Variants in HNRNPL observed in about 807,000 individuals in gnomAD.
The protein encoded by HNRNPL is epididymis secretory sperm binding protein.
In HNRNPL, 12 loss-of-function variants were observed where a neutral mutation model predicts 64.0. That is an observed-to-expected ratio of 0.19 (90% CI 0.12 to 0.30). The LOEUF is 0.30. Ranked by LOEUF, HNRNPL falls within the 10% of genes least tolerant of loss-of-function variation. The pLI is 1.00. For missense variants in HNRNPL, 484 were observed against 797.4 expected, an observed-to-expected ratio of 0.61 and a Z score of 4.73; for synonymous variants, 385 against 313.0, an observed-to-expected ratio of 1.23 and a Z score of -2.43.
chr19:38,840,711 C>T (rs1484399404), intron 6 of HNRNPL, 152 bp from the exon 7 acceptor site: 1 of 666,542 alleles, frequency 1.5e-6, no homozygotes, highest in African/African-American at 1.9e-5. Context: ...GTGATCTGAC[C>T]TACGGCGGGC....
At chr19:38,838,728 A>T in intron 9 of HNRNPL, 130 bp from the exon 10 acceptor site, 13 of 1,297,282 alleles carry the variant, frequency 1.0e-5, no homozygotes, top group Non-Finnish European at 1.4e-5. Flanking sequence ...GGCAAGGCTG[A>T]CTCACTTTCT....
chr19:38,846,725 A>T (rs532972897), intron 2 of HNRNPL, among the ~76,000 whole-genome samples: 2 of 152,198 alleles, frequency 1.3e-5, no homozygotes, highest in South Asian at 4.1e-4. Flanking sequence ...TGGCTAACAC[A>T]GCGAAACCCC....
intron 1 of HNRNPL, among the ~76,000 whole-genome samples, chr19:38,848,472 C>T (rs1180561354): frequency 2.0e-5 from 3 of 152,242 alleles, no homozygotes; most frequent in Non-Finnish European, 4.4e-5. Flanking sequence ...AAGTATCTTA[C>T]ACCCACCGAC....
At position 38,845,689 on chromosome 19, in the gene HNRNPL, A is replaced by G. The variant is rs762305965; in HGVS notation, c.671T>C (p.Ile224Thr). ...ICNPCGPVQR[I>T]VIFRKNGVQA... is the part of the protein sequence containing the mutation. ...AACTCCATTCTTCCTGAAAATGACAATTCTCTGGACAGGGCCACAAGGATT... is the reference window on the plus strand; with the variant it reads ...AACTCCATTCTTCCTGAAAATGACAGTTCTCTGGACAGGGCCACAAGGATT... Residue 224 changes from isoleucine (I) to threonine (T), a missense_variant, in exon 4 of 13, where the codon ATT (isoleucine) becomes ACT (threonine). Ile to Thr is a moderately conservative substitution (Grantham distance 89, BLOSUM62 -1). Transcript: ENST00000221419. The G allele has an allele frequency of 1.9e-6, 3 of 1,613,996 alleles. No homozygotes were observed. Among genetic ancestry groups the G allele is most frequent in the Non-Finnish European group, 2.5e-6 (3 of 1,179,870 alleles).
In HNRNPL at chr19:38,837,473, C is replaced by A; in HGVS notation, c.1622G>T (p.Arg541Leu). ...SVKVFSGKSE[R>L]SSSGLLEWES... ...CCACTCCAGCAGTCCAGAGGAGCTG[C>A]GCTCACCTGATTGCAAACCAAGGGG... The change falls in exon 12 of 13, where the codon CGC becomes CTC. Residue 541 changes from arginine to leucine, a missense_variant. Physicochemically the swap from Arg to Leu is moderately radical, Grantham distance 102. Around this residue, in one of 9 missense-constraint regions of HNRNPL, gnomAD observed 69 missense variants for 91.8 expected, o/e 0.75. Transcript: ENST00000221419. The A allele has an allele frequency of 6.2e-7, 1 of 1,614,042 alleles. No homozygotes were observed. Among genetic ancestry groups the A allele is most frequent in the Non-Finnish European group, 8.5e-7 (1 of 1,179,868 alleles).
chr19:38,840,289 G>A lies in HNRNPL; in HGVS notation c.1040C>T (p.Pro347Leu), dbSNP rs771405981. 2 of 1,575,030 alleles carry A rather than the reference G, an allele frequency of 1.3e-6. No homozygotes were observed. Among genetic ancestry groups the A allele is most frequent in the Non-Finnish European group, 1.7e-6 (2 of 1,160,460 alleles). Residue 347 changes from proline (P) to leucine (L), a missense_variant, in exon 8 of 13, where the codon CCA (proline) becomes CTA (leucine). Pro to Leu is a moderately conservative substitution (Grantham distance 98). Coordinates refer to ENST00000221419, the MANE Select transcript of HNRNPL (RefSeq NM_001533.3). Reference protein sequence around the residue: ...PPHYEGRRMGPPVGGHRRGPS... With the variant: ...PPHYEGRRMGLPVGGHRRGPS... The stretch of plus-strand genomic sequence containing the variant: ...GCCCCGACGGTGACCCCCCACTGGT[G>A]GACCCATCCTTCTCCCTTCGTAGTG...
rs764881166 is a variant in HNRNPL, at chr19:38,840,498, G to A, written c.942C>T (p.Pro314=). The change falls in exon 7 of 13, where the codon CCC becomes CCT. Residue 314 remains proline, a synonymous_variant. Transcript: ENST00000221419. ...ACCCCCTGCCCTCACCATATTCTGC[G>A]GGGTGATCTCCCAGGAGAGGGGGCT... ...QRQPPLLGDH[P]AEYGGPHGGY... The A allele has an allele frequency of 2.4e-5, 39 of 1,592,122 alleles. No homozygotes were observed. Among genetic ancestry groups the A allele is most frequent in the Admixed American group, 1.6e-4 (9 of 55,878 alleles).
At chr19:38,849,509 C>A (rs1972426835) in intron 1 of HNRNPL, 191 bp downstream of exon 1, 2 of 769,144 alleles carry the variant, frequency 2.6e-6, no homozygotes, top group Non-Finnish European at 3.5e-6. Context: ...CTCCGGACCC[C>A]GCGCACGCGC....
intron 8 of HNRNPL, chr19:38,839,696 G>GAC: frequency 9.7e-6 from 2 of 206,900 alleles, no homozygotes; most frequent in South Asian, 1.4e-4. Context: ...GTCTCAGGTA[G>GAC]ACACTCAGCC....
intron 10 of HNRNPL, among the ~76,000 whole-genome samples, chr19:38,838,154 C>T (rs903672672): frequency 6.6e-6 from 1 of 152,212 alleles, no homozygotes; most frequent in African/African-American, 2.4e-5. Flanking sequence ...CCCTGCTTGC[C>T]AAAAATGTAA....
rs1461394671 is a variant in HNRNPL, at chr19:38,836,776, A to G, written c.1716T>C (p.Gly572=). Residue 572 remains glycine, a synonymous_variant, in exon 13 of 13, where the codon GGT becomes GGC. Transcript: ENST00000221419. Reference sequence around the variant, plus strand: ...ACAACTTCAGAGTGTAAGGGTATGGACCATCTGCAAAGGAGAGACAAGTTT... The same window carrying G: ...ACAACTTCAGAGTGTAAGGGTATGGGCCATCTGCAAAGGAGAGACAAGTTT... ...LNHYQMKNPN[G]PYPYTLKLCF... 9.9e-6 allele frequency: 16 copies of G among 1,611,738 alleles called. No individual in the cohort carries two copies. Among genetic ancestry groups the G allele is most frequent in the Non-Finnish European group, 1.2e-5 (14 of 1,179,088 alleles).
In HNRNPL at chr19:38,844,056, C is replaced by T. The variant is rs757501860; in HGVS notation, c.759G>A (p.Gly253=). 2.5e-6 allele frequency: 4 copies of T among 1,614,094 alleles called. No individual in the cohort carries two copies. The East Asian group carries it at 8.9e-5, about 36-fold the overall frequency. Residue 253 remains glycine (G), a synonymous_variant, in exon 5 of 13, where the codon GGG becomes GGA. Transcript: ENST00000221419. ...SAQRAKASLN[G]ADIYSGCCTL... ...TGCAACAGCCAGAATAGATATCAGC[C>T]CCATTGAGAGAGGCCTTGGCCCGCT...
At chr19:38,849,389 G>A (rs531694419) in intron 1 of HNRNPL, 6 of 321,194 alleles carry the variant, frequency 1.9e-5, no homozygotes, top group East Asian at 4.8e-5. Flanking sequence ...TGATAAAGGG[G>A]AAAAAAACCG....
chr19:38,837,869 G>C (rs373071089), intron 10 of HNRNPL, among the ~76,000 whole-genome samples: 13 of 152,174 alleles, frequency 8.5e-5, no homozygotes, highest in Non-Finnish European at 1.5e-4. Flanking sequence ...CTGCTTTTTC[G>C]TTCCCAACTT....
At chr19:38,839,484 C>CTACA in intron 8 of HNRNPL, 1 of 175,638 alleles carries the variant, frequency 5.7e-6, no homozygotes, top group Non-Finnish European at 1.2e-5. Flanking sequence ...TAAGCCCCGT[C>CTACA]CTCCACTTCC....
intron 4 of HNRNPL, among the ~76,000 whole-genome samples, chr19:38,844,492 C>T (rs1441608553): frequency 6.6e-6 from 1 of 152,174 alleles, no homozygotes; most frequent in African/African-American, 2.4e-5. Flanking sequence ...CCAAGCATCG[C>T]AACGCTGTCT....
chr19:38,850,058 C>T (rs983261233), upstream of HNRNPL: 51 of 1,116,040 alleles, frequency 4.6e-5, no homozygotes, highest in Non-Finnish European at 6.0e-5. Context: ...AGCCACTGGT[C>T]CCGCCGCGGG....
chr19:38,839,402 G>A (rs1354410238), intron 8 of HNRNPL: 11 of 198,440 alleles, frequency 5.5e-5, no homozygotes, highest in East Asian at 4.0e-4. Context: ...GAGCAGTGCC[G>A]GCTCTGGAGC....
upstream of HNRNPL, among the ~76,000 whole-genome samples, chr19:38,851,927 G>A (rs904654090): frequency 1.5e-4 from 23 of 151,960 alleles, no homozygotes; most frequent in Non-Finnish European, 2.8e-4. Context: ...GGGCGGGGCC[G>A]CGTCTGAAGC....
Sources: allele counts gnomAD v4.1 joint callset (sites outside exome capture counted in the v4.1 genomes callset), GRCh38; gene constraint gnomAD v4.1.1; regional missense constraint gnomAD v4.1.1; transcripts MANE v1.5; gene names NCBI Gene and HGNC (gene_info 2026-07-23, HGNC 2026-07-21).